The following TRIM71 variants were observed in gnomAD, a reference collection of about 807,000 sequenced individuals.
TRIM71 encodes E3 ubiquitin-protein ligase TRIM71.
In TRIM71, 9 loss-of-function variants were observed where a neutral mutation model predicts 61.2. The ratio of observed to expected loss-of-function variants is 0.15; its 90% CI spans 0.09 to 0.26. TRIM71 has a LOEUF of 0.26. TRIM71 is among the 10% of genes least tolerant of loss of function. TRIM71 has a pLI of 1.00. For missense variants in TRIM71, 998 were observed against 1,238.7 expected, an observed-to-expected ratio of 0.81 and a Z score of 2.92; for synonymous variants, 645 against 553.2, an observed-to-expected ratio of 1.17 and a Z score of -2.33.
chr3:32,849,960 G>A (rs572361573), intron 1 of TRIM71, among the ~76,000 whole-genome samples: 2 of 152,312 alleles, frequency 1.3e-5, no homozygotes, highest in South Asian at 2.1e-4. Flanking sequence ...GTGGCTCAAA[G>A]CGTTCTTGGG....
In TRIM71 at chr3:32,850,720, C is replaced by T. The variant is rs553899927; in HGVS notation, c.853-23098C>T. ...AATACTGAGTGCAGGATGGAGAGAA[C>T]GCTGCTAAGCAGGGTATCTTGACCG... On this transcript the variant is annotated intron_variant, in intron 1 of 3. Transcript: ENST00000383763. Among the ~76,000 whole-genome samples the T allele has an allele frequency of 2.6e-5, 4 of 152,270 alleles. No homozygotes were observed. In the East Asian group the frequency reaches 5.8e-4, roughly 22 times the overall value.
intron 1 of TRIM71, among the ~76,000 whole-genome samples, chr3:32,871,211 G>C (rs1459234596): frequency 2.0e-5 from 3 of 152,152 alleles, no homozygotes; most frequent in Non-Finnish European, 4.4e-5. Context: ...CAGGTCAAGA[G>C]AGGTGATTGG....
chr3:32,886,469 G>A (rs1226943352), intron 3 of TRIM71, among the ~76,000 whole-genome samples: 3 of 152,182 alleles, frequency 2.0e-5, no homozygotes, highest in East Asian at 1.9e-4. Context: ...TTTCCTCTTC[G>A]GAGGGCAGTG....
intron 3 of TRIM71, among the ~76,000 whole-genome samples, chr3:32,889,836 C>T (rs1241567745): frequency 6.6e-6 from 1 of 152,000 alleles, no homozygotes; most frequent in African/African-American, 2.4e-5. Context: ...GGTGATCTGC[C>T]TGCTTCATCC....
Position 32,896,031 on chromosome 3 carries a change from T to A in TRIM71, c.*4220T>A, listed in dbSNP as rs1372034907. 6.6e-6 allele frequency: 1 copy of A among 152,216 alleles called. No homozygotes were observed. Among genetic ancestry groups the A allele is most frequent in the African/African-American group, 2.4e-5 (1 of 41,458 alleles). The allele number at this position is 152,216 out of a possible 1,614,324, so 9.4% of individuals were successfully genotyped here. A position where few individuals can be genotyped will look rare whatever the true frequency, so the allele number is the denominator to read the frequency against. On this transcript the variant is annotated 3_prime_UTR_variant, in exon 4 of 4. Coordinates refer to ENST00000383763, the MANE Select transcript of TRIM71 (RefSeq NM_001039111.3). ...AAATGTAGTCATAAATCCAAGTAGT[T>A]CTTAGCAATCTGGCTTTTCCCCCTC...
chr3:32,892,261 AAAAAAAC>A lies in TRIM71; in HGVS notation c.*458_*464del. 1 of 155,046 alleles carries A rather than the reference AAAAAAAC, an allele frequency of 6.4e-6. No homozygotes were observed. Among genetic ancestry groups the A allele is most frequent in the South Asian group, 2.0e-4 (1 of 4,946 alleles). The allele number at this position is 155,046 out of a possible 1,614,324, so 9.6% of individuals were successfully genotyped here. A position where few individuals can be genotyped will look rare whatever the true frequency, so the allele number is the denominator to read the frequency against. On this transcript the variant is annotated 3_prime_UTR_variant, in exon 4 of 4. Transcript: ENST00000383763. ...GAAACACAAAAAAAAACTACTAAGT[AAAAAAAC>A]AAAAAACTATAAAACATGGAAAAAA...
chr3:32,826,826 G>A (rs186381771), intron 1 of TRIM71, among the ~76,000 whole-genome samples: 4 of 151,968 alleles, frequency 2.6e-5, no homozygotes, highest in African/African-American at 4.8e-5. Context: ...GCAGTGGTGC[G>A]AACTCAGCTC....
intron 2 of TRIM71, among the ~76,000 whole-genome samples, chr3:32,876,097 C>T (rs1054043748): frequency 5.3e-5 from 8 of 152,108 alleles, no homozygotes; most frequent in Admixed American, 4.6e-4. Context: ...CTGTGTTGCT[C>T]TTCTCCTTTG....
chr3:32,873,784 C>T, intron 1 of TRIM71, 34 bp from the exon 2 acceptor site: 3 of 1,457,914 alleles, frequency 2.1e-6, no homozygotes, highest in Non-Finnish European at 2.8e-6. Context: ...CGTCCTGCAT[C>T]TCCATTTATG....
In TRIM71 at chr3:32,873,826, C is replaced by T. The variant is rs1333513062; in HGVS notation, c.861C>T (p.His287=). 15 of 1,593,780 alleles carry T rather than the reference C, an allele frequency of 9.4e-6. No individual in the cohort carries two copies. The highest frequency in any genetic ancestry group is 2.7e-5 in the African/African-American group (2 of 74,744). The change falls in exon 2 of 4, where the codon CAC becomes CAT. Residue 287 remains histidine (H), a synonymous_variant. Coordinates refer to ENST00000383763, the MANE Select transcript of TRIM71 (RefSeq NM_001039111.3). ...FCQHHDDEVL[H]LYCDTCSVPI... ...CCCTCTCTTGTCCCCAGGTGCTGCACCTGTACTGTGACACTTGCTCTGTAC... is the reference window on the plus strand; with the variant it reads ...CCCTCTCTTGTCCCCAGGTGCTGCATCTGTACTGTGACACTTGCTCTGTAC...
chr3:32,843,951 C>T (rs1485702675), intron 1 of TRIM71, among the ~76,000 whole-genome samples: 4 of 145,020 alleles, frequency 2.8e-5, no homozygotes, highest in Admixed American at 6.9e-5. Flanking sequence ...TCCAGATAAA[C>T]GCACTTTTTT....
chr3:32,818,391 C>A lies in TRIM71; in HGVS notation c.311C>A (p.Ala104Glu), dbSNP rs891545037. The change falls in exon 1 of 4, where the codon GCG (alanine) becomes GAG (glutamate). Residue 104 changes from alanine to glutamate, a missense_variant. By Grantham distance (107) the Ala-to-Glu change is moderately radical. Around this residue, in one of 5 missense-constraint regions of TRIM71, gnomAD observed 527 missense variants for 427.8 expected, o/e 1.23. Coordinates refer to ENST00000383763, the MANE Select transcript of TRIM71 (RefSeq NM_001039111.3). ...CAGAAAGTAGTGCTAGCCGAGGCGG[C>A]GGGTATGGACGCGCTGCCTTCGTCC... ...CDQKVVLAEAAGMDALPSSAF... is the reference protein window; with the variant it reads ...CDQKVVLAEAEGMDALPSSAF... The A allele has an allele frequency of 6.8e-7, 1 of 1,478,248 alleles. No individual in the cohort carries two copies. The highest frequency in any genetic ancestry group is 8.9e-7 in the Non-Finnish European group (1 of 1,119,046). 91.6% of individuals were successfully genotyped at this position (1,478,248 alleles called of 1,614,324 possible). A position where few individuals can be genotyped will look rare whatever the true frequency, so the allele number is the denominator to read the frequency against.
In TRIM71 at chr3:32,890,821, G is replaced by A. The variant is rs1330825164; in HGVS notation, c.1617G>A (p.Glu539=). Residue 539 remains glutamate, a synonymous_variant, in exon 4 of 4, where the codon GAG becomes GAA. Transcript: ENST00000383763. The surrounding 1 kb of genome is among the most constrained non-coding windows in gnomAD (Gnocchi z 6.2). ...LGPDGNLFGA[E]VSDQQNGTYV... ...CTGATGGCAACCTGTTTGGTGCAGA[G>A]GTGAGTGATCAGCAGAATGGGACAT... is the stretch of plus-strand genomic sequence containing the variant. 7 of 1,614,196 alleles carry A rather than the reference G, an allele frequency of 4.3e-6. No individual in the cohort carries two copies. In the Admixed American group the frequency reaches 6.7e-5, roughly 15 times the overall value.
chr3:32,854,286 G>A (rs544977289), intron 1 of TRIM71, among the ~76,000 whole-genome samples: 2 of 152,330 alleles, frequency 1.3e-5, no homozygotes, highest in South Asian at 2.1e-4. Context: ...AAGCCACTGC[G>A]TGCCTGGCCT....
intron 1 of TRIM71, among the ~76,000 whole-genome samples, chr3:32,828,798 C>A (rs1054789596): frequency 3.3e-5 from 5 of 151,700 alleles, no homozygotes; most frequent in African/African-American, 1.2e-4. Context: ...CTCATCTGGC[C>A]CCAATTTACA....
chr3:32,867,104 T>C (rs1272159666), intron 1 of TRIM71, among the ~76,000 whole-genome samples: 3 of 152,138 alleles, frequency 2.0e-5, no homozygotes, highest in Non-Finnish European at 4.4e-5. Flanking sequence ...CCCAAACATT[T>C]AAATTTGAGA....
intron 1 of TRIM71, among the ~76,000 whole-genome samples, chr3:32,841,671 T>C (rs1012863942): frequency 1.3e-5 from 2 of 152,298 alleles, no homozygotes; most frequent in African/African-American, 4.8e-5. Context: ...TTAATAAGTT[T>C]AGTGCCGTAC....
intron 1 of TRIM71, among the ~76,000 whole-genome samples, chr3:32,857,865 G>A (rs1230120772): frequency 6.6e-6 from 1 of 152,116 alleles, no homozygotes; most frequent in Non-Finnish European, 1.5e-5. Context: ...CAGCTACTCT[G>A]GAGGCTGAGG....
chr3:32,837,991 G>A (rs1329012539), intron 1 of TRIM71, among the ~76,000 whole-genome samples: 3 of 152,000 alleles, frequency 2.0e-5, no homozygotes, highest in Non-Finnish European at 2.9e-5. Flanking sequence ...AGGATTGCTC[G>A]GAAAATGTGG....
Sources: gnomAD v4.1 joint callset for allele counts (sites outside exome capture counted in the v4.1 genomes callset) on GRCh38, gnomAD v4.1.1 for gene constraint, gnomAD v4.1.1 regional missense constraint, Gnocchi (gnomAD v3.1) non-coding constraint, MANE v1.5 for transcripts, NCBI Gene and HGNC (gene_info 2026-07-23, HGNC 2026-07-21) for gene names.